RFPL1: variants seen among roughly 807,000 people sequenced by gnomAD.
The protein encoded by RFPL1 is ret finger protein-like 1.
A neutral mutation model predicts 9.6 loss-of-function variants in RFPL1; 6 were observed. The ratio of observed to expected loss-of-function variants is 0.62; its 90% CI spans 0.34 to 1.23. The LOEUF is 1.23. RFPL1 is among the 50% of genes most tolerant of loss of function. The pLI, the probability that RFPL1 is intolerant of heterozygous loss-of-function variation, is 0.03. For synonymous variants in RFPL1, 145 were observed against 149.4 expected, an observed-to-expected ratio of 0.97 and a Z score of 0.22; for missense variants, 352 against 398.4, an observed-to-expected ratio of 0.88 and a Z score of 0.99.
At chr22:29,400,488 C>G in the RFPL1 span, among the ~76,000 whole-genome samples, 1 of 152,176 alleles carries the variant, frequency 6.6e-6, no homozygotes, top group South Asian at 2.1e-4. Flanking sequence ...CTAATCTGTC[C>G]TCACTCTGGA....
chr22:29,407,260 ATT>A, the RFPL1 span, among the ~76,000 whole-genome samples: 3 of 148,040 alleles, frequency 2.0e-5, no homozygotes, highest in South Asian at 2.1e-4. Context: ...TACCAAGCTA[ATT>A]TTTTTTTTTT....
chr22:29,438,328 G>A (rs182210020), upstream of RFPL1: 11 of 165,994 alleles, frequency 6.6e-5, no homozygotes, highest in African/African-American at 1.9e-4. Context: ...GATTACAGGC[G>A]TGTGCCACCA....
At chr22:29,423,041 C>G in the RFPL1 span, 1 of 965,162 alleles carries the variant, frequency 1.0e-6, no homozygotes, top group African/African-American at 1.6e-5. Context: ...CATTCCCACC[C>G]CTACTCCCTA....
At chr22:29,393,745 T>A in the RFPL1 span, among the ~76,000 whole-genome samples, 2 of 152,140 alleles carry the variant, frequency 1.3e-5, no homozygotes, top group East Asian at 1.9e-4. Flanking sequence ...TTCCTGACAA[T>A]AATACTACCT....
chr22:29,414,606 T>G, the RFPL1 span, among the ~76,000 whole-genome samples: 1 of 152,138 alleles, frequency 6.6e-6, no homozygotes, highest in East Asian at 1.9e-4. Context: ...TTTTTTTCCT[T>G]AATCACCTGG....
Position 29,438,722 on chromosome 22 carries a change from A to C in RFPL1, c.-70A>C. The C allele has an allele frequency of 6.4e-7, 1 of 1,562,144 alleles. No individual in the cohort carries two copies. The highest frequency in any genetic ancestry group is 8.7e-7 in the Non-Finnish European group (1 of 1,154,076). On this transcript the variant is annotated 5_prime_UTR_variant, in exon 1 of 2. An upstream start codon of the reference 5' UTR is lost. Coordinates refer to ENST00000354373, the Ensembl canonical transcript of RFPL1. ...ATCTCTGAAGACGGGGGGTGGGGGG[A>C]TGTGCTTGAGTGTTTGTACTCATGG...
upstream of RFPL1, chr22:29,437,337 G>C (rs1245670078): frequency 6.0e-6 from 2 of 332,344 alleles, no homozygotes; most frequent in African/African-American, 2.2e-5. Flanking sequence ...TAATACTTCA[G>C]GTTTCCAAGC....
chr22:29,418,888 G>T, the RFPL1 span, among the ~76,000 whole-genome samples: 1 of 152,106 alleles, frequency 6.6e-6, no homozygotes, highest in Non-Finnish European at 1.5e-5. Context: ...TTTCTGAGAG[G>T]GTTCATGCCA....
At chr22:29,418,165 T>A in the RFPL1 span, among the ~76,000 whole-genome samples, 4 of 152,070 alleles carry the variant, frequency 2.6e-5, no homozygotes, top group African/African-American at 9.7e-5. Flanking sequence ...CCTGACCTTG[T>A]GATCCACCCT....
At chr22:29,417,240 T>C in the RFPL1 span, among the ~76,000 whole-genome samples, 1 of 151,916 alleles carries the variant, frequency 6.6e-6, no homozygotes, top group East Asian at 1.9e-4. Flanking sequence ...ATGTTTCTCC[T>C]CTGTGAGGAG....
chr22:29,400,647 A>G, the RFPL1 span, among the ~76,000 whole-genome samples: 1 of 152,192 alleles, frequency 6.6e-6, no homozygotes. Context: ...TCTTAACCAT[A>G]TATCTCCCTT....
At chr22:29,442,053 C>A in exon 2 of RFPL1, 1 of 1,613,480 alleles carries the variant, frequency 6.2e-7, no homozygotes, top group Non-Finnish European at 8.5e-7. Context: ...ATAAGAGTGT[C>A]TTGAGTATCT....
chr22:29,397,751 G>C, the RFPL1 span, among the ~76,000 whole-genome samples: 2 of 152,182 alleles, frequency 1.3e-5, no homozygotes, highest in Non-Finnish European at 2.9e-5. Context: ...TCTGCATGCA[G>C]ATTGGGACCC....
At chr22:29,435,140 T>C (rs1163464295), upstream of RFPL1, 1 of 152,194 alleles carries the variant, frequency 6.6e-6, no homozygotes, top group Non-Finnish European at 1.5e-5. Flanking sequence ...GTCAATTAAG[T>C]AGATTAATAA....
the RFPL1 span, chr22:29,423,230 C>G: frequency 8.1e-7 from 1 of 1,234,452 alleles, no homozygotes; most frequent in South Asian, 1.2e-5. Context: ...AGTTATGCTC[C>G]ATCCCATCTT....
chr22:29,399,382 T>C, the RFPL1 span, among the ~76,000 whole-genome samples: 1 of 152,230 alleles, frequency 6.6e-6, no homozygotes, highest in Non-Finnish European at 1.5e-5. Context: ...TGTACGTCTG[T>C]TGTTAAATGG....
At chr22:29,412,610 A>G in the RFPL1 span, among the ~76,000 whole-genome samples, 1 of 152,202 alleles carries the variant, frequency 6.6e-6, no homozygotes. Context: ...CTGCCAGGGC[A>G]GTGACTGTCT....
At chr22:29,440,517 T>G (rs1213881199) in intron 1 of RFPL1, 1 of 152,236 alleles carries the variant, frequency 6.6e-6, no homozygotes, top group East Asian at 1.9e-4. Flanking sequence ...ATTATTGACC[T>G]TTGTATTTAC....
At chr22:29,416,651 G>A in the RFPL1 span, among the ~76,000 whole-genome samples, 3 of 152,154 alleles carry the variant, frequency 2.0e-5, no homozygotes, top group Non-Finnish European at 4.4e-5. Flanking sequence ...GATGGCTCAC[G>A]CTGCTTTCTC....
Sources: allele counts gnomAD v4.1 joint callset (sites outside exome capture counted in the v4.1 genomes callset), GRCh38; gene constraint gnomAD v4.1.1; transcripts MANE v1.5; gene names NCBI Gene and HGNC (gene_info 2026-07-23, HGNC 2026-07-21).